The following DGKB variants were observed in gnomAD, a reference collection of about 807,000 sequenced individuals.
DGKB encodes diacylglycerol kinase beta, also known as 90 kDa diacylglycerol kinase.
In DGKB, 67 loss-of-function variants were observed where a neutral mutation model predicts 114.3. The observed-to-expected ratio is 0.59, with a 90% CI of 0.48 to 0.72. The LOEUF is 0.72. Among genes scored for constraint, DGKB ranks in the 30% least tolerant of loss-of-function variants. DGKB has a pLI of 0.00. For synonymous variants in DGKB, 398 were observed against 323.1 expected, an observed-to-expected ratio of 1.23 and a Z score of -2.49; for missense variants, 907 against 975.2, an observed-to-expected ratio of 0.93 and a Z score of 0.93.
intron 21 of DGKB, among the ~76,000 whole-genome samples, chr7:14,461,297 C>CA (rs1190999172): frequency 2.1e-5 from 3 of 145,012 alleles, no homozygotes; most frequent in Non-Finnish European, 4.5e-5. Flanking sequence ...AAAAACCCTT[C>CA]AAAAAATCAA....
chr7:14,293,093 A>G (rs531448748), intron 23 of DGKB, among the ~76,000 whole-genome samples: 1 of 152,300 alleles, frequency 6.6e-6, no homozygotes, highest in South Asian at 2.1e-4. Context: ...TATAAAAATT[A>G]TATTCTTTAT....
Position 14,146,764 on chromosome 7 carries a change from C to T in DGKB, c.*2367G>A, listed in dbSNP as rs1193003996. The T allele has an allele frequency of 1.3e-5, 2 of 152,084 alleles. No homozygotes were observed. Among genetic ancestry groups the T allele is most frequent in the Non-Finnish European group, 2.9e-5 (2 of 67,988 alleles). The allele number at this position is 152,084 out of a possible 1,614,324, so 9.4% of individuals were successfully genotyped here. A position where few individuals can be genotyped will look rare whatever the true frequency, so the allele number is the denominator to read the frequency against. ...ACATTTATTATGGGTACCAAAGAATCCATCTGACTGAAAATGTAACCACTA... is the reference window on the plus strand; with the variant it reads ...ACATTTATTATGGGTACCAAAGAATTCATCTGACTGAAAATGTAACCACTA... On this transcript the variant is annotated 3_prime_UTR_variant, in exon 26 of 26. Transcript: ENST00000402815.
At chr7:14,711,714 G>C (rs1319480903) in intron 6 of DGKB, among the ~76,000 whole-genome samples, 5 of 144,314 alleles carry the variant, frequency 3.5e-5, no homozygotes, top group Admixed American at 1.4e-4. Flanking sequence ...AAAATTAACA[G>C]ATTATCTTCA....
chr7:14,306,431 GCTCA>G (rs984015620), intron 23 of DGKB, among the ~76,000 whole-genome samples: 21 of 152,102 alleles, frequency 1.4e-4, no homozygotes, highest in East Asian at 5.8e-4. Flanking sequence ...GGTTTTAAAT[GCTCA>G]CTCTTTTTTT....
chr7:14,408,949 C>G (rs961383958), intron 21 of DGKB, among the ~76,000 whole-genome samples: 1 of 152,060 alleles, frequency 6.6e-6, no homozygotes, highest in Admixed American at 6.6e-5. Context: ...TTTAGTTTAT[C>G]ATTTACTACC....
At chr7:14,356,135 A>AT (rs1186145557) in intron 21 of DGKB, among the ~76,000 whole-genome samples, 1 of 151,964 alleles carries the variant, frequency 6.6e-6, no homozygotes, top group African/African-American at 2.4e-5. Context: ...CCTCTTTATC[A>AT]TTTTTTATTG....
intron 23 of DGKB, among the ~76,000 whole-genome samples, chr7:14,322,610 T>C (rs115946326): frequency 0.013 from 2,028 of 152,228 alleles, 44 homozygotes; most frequent in African/African-American, 0.044. Flanking sequence ...AATGGATACA[T>C]TGGACTTTAA....
intron 1 of DGKB, among the ~76,000 whole-genome samples, chr7:14,917,348 C>A (rs1784293758): frequency 6.6e-6 from 1 of 151,876 alleles, no homozygotes; most frequent in Admixed American, 6.6e-5. Flanking sequence ...AAAGTTAGAT[C>A]TTAGAGCAAT....
At chr7:14,963,895 C>T (rs894761132) in intron 1 of DGKB, among the ~76,000 whole-genome samples, 2 of 152,030 alleles carry the variant, frequency 1.3e-5, no homozygotes, top group African/African-American at 2.4e-5. Context: ...AGATCTTGCT[C>T]TGTAGCTGCA....
intron 25 of DGKB, among the ~76,000 whole-genome samples, chr7:14,160,878 G>C (rs1269227536): frequency 6.6e-6 from 1 of 152,132 alleles, no homozygotes; most frequent in Non-Finnish European, 1.5e-5. Flanking sequence ...ATACTACAAG[G>C]CTACAGTAAC....
chr7:14,211,429 A>T (rs1339009363), intron 23 of DGKB, among the ~76,000 whole-genome samples: 2 of 55,636 alleles, frequency 3.6e-5, no homozygotes, highest in Non-Finnish European at 6.2e-5. Flanking sequence ...TTGTGATTTT[A>T]CTCTCGTGTT....
At chr7:14,289,744 C>CAAAAAAAAAAAA (rs3067647) in intron 23 of DGKB, among the ~76,000 whole-genome samples, 2 of 126,812 alleles carry the variant, frequency 1.6e-5, no homozygotes, top group Non-Finnish European at 3.4e-5. Context: ...AGACATGGAC[C>CAAAAAAAAAAAA]AAAAAAAAAA....
At chr7:14,787,834 G>C (rs1840113680) in intron 2 of DGKB, among the ~76,000 whole-genome samples, 1 of 152,234 alleles carries the variant, frequency 6.6e-6, no homozygotes, top group Non-Finnish European at 1.5e-5. Context: ...TGTTGCTGGA[G>C]AAGGGACAGG....
At chr7:14,424,502 T>A (rs1248822724) in intron 21 of DGKB, among the ~76,000 whole-genome samples, 1 of 152,122 alleles carries the variant, frequency 6.6e-6, no homozygotes, top group African/African-American at 2.4e-5. Flanking sequence ...GGAAGCTTTT[T>A]TATATTAATA....
At chr7:14,203,248 CAT>C (rs944659423) in intron 23 of DGKB, among the ~76,000 whole-genome samples, 4 of 150,006 alleles carry the variant, frequency 2.7e-5, no homozygotes, top group South Asian at 2.1e-4. Context: ...AGGACACACA[CAT>C]AAAACAGTCA....
intron 13 of DGKB, among the ~76,000 whole-genome samples, chr7:14,645,679 G>A (rs1201220827): frequency 6.6e-6 from 1 of 150,834 alleles, no homozygotes; most frequent in East Asian, 1.9e-4. Flanking sequence ...AGCATGAGAT[G>A]ATATATTCAA....
intron 13 of DGKB, among the ~76,000 whole-genome samples, chr7:14,671,028 G>A (rs1002862825): frequency 6.6e-6 from 1 of 152,052 alleles, no homozygotes; most frequent in Non-Finnish European, 1.5e-5. Flanking sequence ...TAATATATCG[G>A]GTATATGCAC....
At chr7:14,741,413 T>C (rs1832565231) in intron 4 of DGKB, among the ~76,000 whole-genome samples, 1 of 152,180 alleles carries the variant, frequency 6.6e-6, no homozygotes, top group South Asian at 2.1e-4. Flanking sequence ...TTCTATATGG[T>C]TCTGTCAGAA....
intron 25 of DGKB, among the ~76,000 whole-genome samples, chr7:14,167,210 C>A (rs76928536): frequency 1.6e-3 from 163 of 99,338 alleles, no homozygotes; most frequent in Middle Eastern, 5.6e-3. Context: ...GACTCCATCT[C>A]AAAAAAAAAA....
Sources: gnomAD v4.1 joint callset for allele counts (sites outside exome capture counted in the v4.1 genomes callset) on GRCh38, gnomAD v4.1.1 for gene constraint, MANE v1.5 for transcripts, NCBI Gene and HGNC (gene_info 2026-07-23, HGNC 2026-07-21) for gene names.